The following KIAA1549L variants were observed in gnomAD, a reference collection of about 807,000 sequenced individuals.
The protein encoded by KIAA1549L is UPF0606 protein KIAA1549L.
KIAA1549L carries 88 observed loss-of-function variants against 160.7 expected under a neutral mutation model. The observed-to-expected ratio is 0.55, with a 90% confidence interval of 0.46 to 0.65. KIAA1549L has a LOEUF of 0.65. Among genes scored for constraint, KIAA1549L ranks in the 30% least tolerant of loss-of-function variants. The pLI is 0.00. For synonymous variants in KIAA1549L, 950 were observed against 976.7 expected (o/e 0.97, Z 0.51); for missense variants, 2,258 against 2,437.5 (o/e 0.93, Z 1.55).
chr11:33,507,931 G>C (rs889282594), intron 1 of KIAA1549L, among the ~76,000 whole-genome samples: 1 of 152,194 alleles, frequency 6.6e-6, no homozygotes, highest in African/African-American at 2.4e-5. Flanking sequence ...TGGGAGGGCT[G>C]AAGAACCAAT....
chr11:33,623,475 T>A (rs1478841095), intron 16 of KIAA1549L, among the ~76,000 whole-genome samples: 1 of 152,208 alleles, frequency 6.6e-6, no homozygotes, highest in Non-Finnish European at 1.5e-5. Context: ...CTTGATATGT[T>A]ATCTCGACTT....
intron 15 of KIAA1549L, among the ~76,000 whole-genome samples, chr11:33,610,844 C>A (rs10768009): frequency 0.35 from 53,940 of 152,088 alleles, 9,967 homozygotes; most frequent in Middle Eastern, 0.5. Context: ...GCTGGGAAGT[C>A]CAAGATCAAG....
intron 1 of KIAA1549L, among the ~76,000 whole-genome samples, chr11:33,490,821 T>G (rs879107807): frequency 6.6e-6 from 1 of 152,170 alleles, no homozygotes; most frequent in Non-Finnish European, 1.5e-5. Flanking sequence ...TGGGATCTTA[T>G]CAAAATGCAG....
At position 33,378,061 on chromosome 11, in the gene KIAA1549L, G is replaced by A. The variant is rs75681545; in HGVS notation, c.238+1172G>A. Among the ~76,000 whole-genome samples the A allele has an allele frequency of 5.7e-3, 871 of 152,266 alleles. 6 individuals are homozygous for A. The highest frequency in any genetic ancestry group is 0.02 in the African/African-American group (833 of 41,550). On this transcript the variant is annotated intron_variant, in intron 1 of 20. Coordinates refer to ENST00000658780, the MANE Select transcript of KIAA1549L (RefSeq NM_012194.3). ...TGAGAAAAACCTCTGACGAATTTTA[G>A]CCCCCGATTTTTATGCCTGTAGCAG...
chr11:33,515,059 T>A (rs1853313700), intron 1 of KIAA1549L, among the ~76,000 whole-genome samples: 1 of 152,136 alleles, frequency 6.6e-6, no homozygotes, highest in Non-Finnish European at 1.5e-5. Flanking sequence ...TGTTGCTATG[T>A]CCATAGAAAT....
At position 33,541,932 on chromosome 11, in the gene KIAA1549L, C is replaced by T. The variant is rs1217846696; in HGVS notation, c.369C>T (p.Thr123=). The change falls in exon 2 of 21, where the codon ACC becomes ACT. Residue 123 remains threonine, a synonymous_variant. Transcript: ENST00000658780. The part of the protein sequence containing the change: ...RSSSAADRIK[T]VLGQSSDNTS... ...CCTCAGCAGCAGACAGAATCAAGAC[C>T]GTGCTGGGACAGTCCTCTGACAACA... is the stretch of plus-strand genomic sequence containing the variant. 7 of 313,110 alleles carry T rather than the reference C, an allele frequency of 2.2e-5. No homozygotes were observed. The highest frequency in any genetic ancestry group is 8.0e-5 in the South Asian group (3 of 37,414). The allele number at this position is 313,110 out of a possible 1,614,324, so 19.4% of individuals were successfully genotyped here.
intron 1 of KIAA1549L, among the ~76,000 whole-genome samples, chr11:33,527,004 C>G (rs554930068): frequency 2.0e-5 from 3 of 152,032 alleles, no homozygotes; most frequent in Non-Finnish European, 4.4e-5. Flanking sequence ...TACAGAAATG[C>G]AAAATACACT....
chr11:33,547,813 C>A lies in KIAA1549L; in HGVS notation c.3435C>A (p.Phe1145Leu). The change falls in exon 4 of 21, where the codon TTC becomes TTA. Residue 1145 changes from phenylalanine to leucine, a missense_variant. Phe to Leu is a conservative substitution (Grantham distance 22). Transcript: ENST00000658780. ...RRVQISESLKFSIAKGLTQAL... is the reference protein window; with the variant it reads ...RRVQISESLKLSIAKGLTQAL... Reference sequence around the variant, plus strand: ...TGCAGATCAGTGAATCCTTGAAGTTCAGTATCGCCAAAGGGCTCACACAGG... The same window carrying A: ...TGCAGATCAGTGAATCCTTGAAGTTAAGTATCGCCAAAGGGCTCACACAGG... 6.2e-7 allele frequency: 1 copy of A among 1,613,726 alleles called. No individual in the cohort carries two copies. The highest frequency in any genetic ancestry group is 1.1e-5 in the South Asian group (1 of 90,962).
intron 1 of KIAA1549L, among the ~76,000 whole-genome samples, chr11:33,384,606 T>C (rs1207675242): frequency 6.6e-6 from 1 of 152,240 alleles, no homozygotes; most frequent in Non-Finnish European, 1.5e-5. Context: ...TGGCATTTGG[T>C]ATTGTCAGCT....
chr11:33,641,812 A>C (rs1348969296), intron 16 of KIAA1549L, among the ~76,000 whole-genome samples: 1 of 151,848 alleles, frequency 6.6e-6, no homozygotes, highest in Non-Finnish European at 1.5e-5. Context: ...CGATATGTTT[A>C]AAGTACTTAA....
Position 33,530,432 on chromosome 11 carries a change from AAAAAATATATATATATATATATATAT to A in KIAA1549L, c.239-11368_239-11343del, listed in dbSNP as rs1225151139. 8.8e-3 allele frequency among the ~76,000 whole-genome samples: 91 copies of A among 10,316 alleles called. 6 individuals carry two copies. Among genetic ancestry groups the A allele is most frequent in the African/African-American group, 0.033 (82 of 2,508 alleles). The allele number at this position is 10,316 out of a possible 152,430, so 6.8% of individuals were successfully genotyped here. A position where few individuals can be genotyped will look rare whatever the true frequency, so the allele number is the denominator to read the frequency against. Reference sequence around the variant, plus strand: ...GAAGAAGGAAAAAAAAAAAAAAAAAAAAAAATATATATATATATATATATATATATATATATATATATATATATATA... The same window carrying A: ...GAAGAAGGAAAAAAAAAAAAAAAAAAATATATATATATATATATATATATA... On this transcript the variant is annotated intron_variant, in intron 1 of 20. Coordinates refer to ENST00000658780, the MANE Select transcript of KIAA1549L (RefSeq NM_012194.3).
At chr11:33,576,196 C>T (rs964293216) in intron 10 of KIAA1549L, among the ~76,000 whole-genome samples, 8 of 152,158 alleles carry the variant, frequency 5.3e-5, no homozygotes, top group Non-Finnish European at 7.3e-5. Flanking sequence ...AGCTCATGTC[C>T]GTGTTGCCTA....
At chr11:33,534,260 T>C (rs1853842449) in intron 1 of KIAA1549L, among the ~76,000 whole-genome samples, 1 of 151,928 alleles carries the variant, frequency 6.6e-6, no homozygotes, top group Non-Finnish European at 1.5e-5. Context: ...TTTTTTTTTT[T>C]TTTGTATTTT....
At chr11:33,549,097 A>G (rs190670198) in intron 4 of KIAA1549L, among the ~76,000 whole-genome samples, 3 of 152,344 alleles carry the variant, frequency 2.0e-5, no homozygotes, top group East Asian at 3.9e-4. Context: ...AACTGCTTTT[A>G]CAGTTTTGGT....
chr11:33,442,624 G>T (rs1056428021), intron 1 of KIAA1549L, among the ~76,000 whole-genome samples: 1 of 152,124 alleles, frequency 6.6e-6, no homozygotes. Flanking sequence ...TTCACTAAAT[G>T]TTGAAAATTT....
chr11:33,668,220 C>T lies in KIAA1549L; in HGVS notation c.*66C>T, dbSNP rs2133467409. The T allele has an allele frequency of 6.7e-7, 1 of 1,481,594 alleles. No individual in the cohort carries two copies. Among genetic ancestry groups the T allele is most frequent in the Non-Finnish European group, 9.2e-7 (1 of 1,086,436 alleles). The allele number at this position is 1,481,594 out of a possible 1,614,324, so 91.8% of individuals were successfully genotyped here. A position where few individuals can be genotyped will look rare whatever the true frequency, so the allele number is the denominator to read the frequency against. ...GACTCAGCCTTTGGGTTTCCCATGC[C>T]TACGTGTTAGGACTTGAGACATAGC... On this transcript the variant is annotated 3_prime_UTR_variant, in exon 21 of 21. Coordinates refer to ENST00000658780, the MANE Select transcript of KIAA1549L (RefSeq NM_012194.3).
At chr11:33,398,813 G>T (rs920688637) in intron 1 of KIAA1549L, among the ~76,000 whole-genome samples, 5 of 152,068 alleles carry the variant, frequency 3.3e-5, no homozygotes, top group Non-Finnish European at 7.4e-5. Flanking sequence ...TGAATCTTAG[G>T]ATTCAAGTTC....
chr11:33,400,933 A>G lies in KIAA1549L; in HGVS notation c.238+24044A>G, dbSNP rs936651187. On this transcript the variant is annotated intron_variant, in intron 1 of 20. Transcript: ENST00000658780. ...TATAACTTGCCCAGGACCACATAGC[A>G]TAATGTTGGATCTGTCCTTCTGAAC... 7.9e-5 allele frequency among the ~76,000 whole-genome samples: 12 copies of G among 152,282 alleles called. No individual in the cohort carries two copies. The South Asian group carries it at 1.2e-3, about 16-fold the overall frequency.
chr11:33,455,507 A>AT, intron 1 of KIAA1549L, among the ~76,000 whole-genome samples: 1 of 152,286 alleles, frequency 6.6e-6, no homozygotes, highest in East Asian at 1.9e-4. Flanking sequence ...AATCATATAT[A>AT]TACCTTTTGG....
Sources: allele counts gnomAD v4.1 joint callset (sites outside exome capture counted in the v4.1 genomes callset), GRCh38; gene constraint gnomAD v4.1.1; transcripts MANE v1.5; gene names NCBI Gene and HGNC (gene_info 2026-07-23, HGNC 2026-07-21).